The following FRMD4A variants were observed in gnomAD, a reference collection of about 807,000 sequenced individuals.
The protein encoded by FRMD4A is FERM domain-containing protein 4A.
FRMD4A carries 29 observed loss-of-function variants against 129.1 expected under a neutral mutation model. That is an observed-to-expected ratio of 0.22 (90% CI 0.17 to 0.31). The LOEUF is 0.31. Among genes scored for constraint, FRMD4A ranks in the 10% least tolerant of loss-of-function variants. The pLI, the probability that FRMD4A is intolerant of heterozygous loss-of-function variation, is 1.00. For synonymous variants in FRMD4A, 634 were observed against 571.6 expected (o/e 1.11, Z -1.56); for missense variants, 1,272 against 1,375.8 (o/e 0.92, Z 1.19).
At chr10:13,975,719 T>A (rs2926389) in intron 2 of FRMD4A, among the ~76,000 whole-genome samples, 1 of 152,020 alleles carries the variant, frequency 6.6e-6, no homozygotes, top group African/African-American at 2.4e-5. Flanking sequence ...TCTGTGAATC[T>A]CTCTGAATCT....
chr10:14,240,282 C>A (rs1235675808), intron 2 of FRMD4A, among the ~76,000 whole-genome samples: 1 of 152,210 alleles, frequency 6.6e-6, no homozygotes, highest in Non-Finnish European at 1.5e-5. Flanking sequence ...CAGGCTGCTG[C>A]ATGACGGCCA....
chr10:14,199,351 T>C (rs905178385), intron 2 of FRMD4A, among the ~76,000 whole-genome samples: 4 of 151,752 alleles, frequency 2.6e-5, no homozygotes, highest in Non-Finnish European at 5.9e-5. Context: ...AGAGTCTTAC[T>C]CTGTCACCCA....
intron 2 of FRMD4A, among the ~76,000 whole-genome samples, chr10:13,905,390 T>C (rs1248990765): frequency 6.6e-6 from 1 of 152,160 alleles, no homozygotes; most frequent in Non-Finnish European, 1.5e-5. Context: ...CTTTGTGTGG[T>C]TTTGGGAAGG....
chr10:13,664,314 G>A (rs2082850726), intron 18 of FRMD4A, among the ~76,000 whole-genome samples: 2 of 152,124 alleles, frequency 1.3e-5, no homozygotes, highest in African/African-American at 4.8e-5. Flanking sequence ...GTTTCTGTTG[G>A]GAACCCCTAA....
At chr10:13,942,527 C>T (rs1588452712) in intron 2 of FRMD4A, among the ~76,000 whole-genome samples, 2 of 152,208 alleles carry the variant, frequency 1.3e-5, no homozygotes, top group African/African-American at 4.8e-5. Flanking sequence ...TGGCATTTTG[C>T]TGACCAAGCC....
chr10:13,874,712 T>A lies in FRMD4A; in HGVS notation c.46-15800A>T, dbSNP rs556340444. 3.3e-5 allele frequency among the ~76,000 whole-genome samples: 5 copies of A among 152,350 alleles called. No individual in the cohort carries two copies. The East Asian group carries it at 9.6e-4, about 29-fold the overall frequency. ...AAAAAGTCCAGATCCTTGGACTCTG[T>A]CATTTCTCTTCTAGGAATTTTCCCC... On this transcript the variant is annotated intron_variant, in intron 2 of 24. Transcript: ENST00000357447.
chr10:14,305,562 G>T (rs1289625991), intron 2 of FRMD4A, among the ~76,000 whole-genome samples: 1 of 151,904 alleles, frequency 6.6e-6, no homozygotes, highest in African/African-American at 2.4e-5. Flanking sequence ...AAGGCCAGAT[G>T]GTGTCTCTGT....
chr10:13,890,644 C>T (rs1157643243), intron 2 of FRMD4A: 1 of 985,322 alleles, frequency 1.0e-6, no homozygotes, highest in East Asian at 1.1e-4. Context: ...GAGGAGGATT[C>T]GAACTGAAAG....
At chr10:14,307,937 C>T (rs1474907432) in intron 2 of FRMD4A, among the ~76,000 whole-genome samples, 2 of 152,200 alleles carry the variant, frequency 1.3e-5, no homozygotes, top group Non-Finnish European at 2.9e-5. Flanking sequence ...TCATTCTTTT[C>T]CTCTCTCCAC....
chr10:13,681,692 C>A (rs1589349044), intron 15 of FRMD4A, among the ~76,000 whole-genome samples: 1 of 152,162 alleles, frequency 6.6e-6, no homozygotes, highest in African/African-American at 2.4e-5. Flanking sequence ...CCAAAGCTCA[C>A]ACCAGTGGTT....
intron 2 of FRMD4A, chr10:13,991,927 A>T (rs140636491): frequency 6.6e-6 from 1 of 152,374 alleles, no homozygotes; most frequent in East Asian, 1.9e-4. Context: ...AGACATCCAG[A>T]ATGAGCAAGT....
intron 3 of FRMD4A, among the ~76,000 whole-genome samples, chr10:13,857,713 A>T (rs2094233106): frequency 1.3e-5 from 2 of 152,228 alleles, no homozygotes; most frequent in African/African-American, 4.8e-5. Context: ...GATGAACTGC[A>T]GCTTCCTCAC....
chr10:14,048,537 G>A (rs1392464550), intron 2 of FRMD4A, among the ~76,000 whole-genome samples: 3 of 152,134 alleles, frequency 2.0e-5, no homozygotes, highest in African/African-American at 7.2e-5. Flanking sequence ...CGGGTGTGGT[G>A]GCTCATGCCT....
rs1433798795 is a variant in FRMD4A, at chr10:13,689,520, T to C, written c.1117+4378A>G. On this transcript the variant is annotated intron_variant, in intron 15 of 24. Transcript: ENST00000357447. The stretch of plus-strand genomic sequence containing the variant: ...GGTATCAGCAAGGCCCAGGGTACCA[T>C]ACACTCTAGGAACATAGATTAGAAG... Among the ~76,000 whole-genome samples the C allele has an allele frequency of 2.0e-5, 3 of 146,864 alleles. No homozygotes were observed. In the Admixed American group the frequency reaches 2.1e-4, roughly 10 times the overall value.
At chr10:14,058,368 T>C (rs1207129516) in intron 2 of FRMD4A, among the ~76,000 whole-genome samples, 1 of 152,254 alleles carries the variant, frequency 6.6e-6, no homozygotes, top group African/African-American at 2.4e-5. Context: ...TCATTTCTCA[T>C]CCTAGAATTT....
intron 8 of FRMD4A, among the ~76,000 whole-genome samples, chr10:13,748,422 G>A (rs148871403): frequency 1.3e-5 from 2 of 152,168 alleles, no homozygotes; most frequent in East Asian, 1.9e-4. Context: ...TTTTTCAGAT[G>A]TTTGACTGTT....
chr10:13,985,302 T>C (rs536553647), intron 2 of FRMD4A, among the ~76,000 whole-genome samples: 187 of 152,208 alleles, frequency 1.2e-3, no homozygotes, highest in Middle Eastern at 3.4e-3. Context: ...CCCTGGAGCC[T>C]TGGTGGTAAG....
At chr10:13,999,409 A>T (rs1374796493) in intron 2 of FRMD4A, among the ~76,000 whole-genome samples, 2 of 152,180 alleles carry the variant, frequency 1.3e-5, no homozygotes, top group African/African-American at 4.8e-5. Context: ...ATTCCCAGGG[A>T]TATCTGTATT....
At chr10:14,105,688 G>A (rs11258869) in intron 2 of FRMD4A, among the ~76,000 whole-genome samples, 15,019 of 152,168 alleles carry the variant, frequency 0.099, 2,320 homozygotes, top group African/African-American at 0.33. Flanking sequence ...GCAGGTTCCA[G>A]ATAAGGTCCA....
Sources: allele counts gnomAD v4.1 joint callset (sites outside exome capture counted in the v4.1 genomes callset), GRCh38; gene constraint gnomAD v4.1.1; transcripts MANE v1.5; gene names NCBI Gene and HGNC (gene_info 2026-07-23, HGNC 2026-07-21).